Variants in TFAP4 observed in about 807,000 individuals in gnomAD.
TFAP4 encodes the protein activating enhancer-binding protein 4.
TFAP4 carries 7 observed loss-of-function variants against 40.4 expected under a neutral mutation model. The ratio of observed to expected loss-of-function variants is 0.17; its 90% confidence interval spans 0.10 to 0.33. The LOEUF is 0.33. Among genes scored for constraint, TFAP4 ranks in the 10% least tolerant of loss-of-function variants. The pLI is 1.00. For missense variants in TFAP4, 374 were observed against 451.1 expected (o/e 0.83, Z 1.55); for synonymous variants, 218 against 181.4 (o/e 1.20, Z -1.62).
intron 1 of TFAP4, among the ~76,000 whole-genome samples, chr16:4,269,114 C>A (rs1350593578): frequency 1.3e-5 from 2 of 152,002 alleles, no homozygotes; most frequent in Non-Finnish European, 1.5e-5. Flanking sequence ...TCTCGAACTC[C>A]TGGGCTCAAA....
chr16:4,265,273 C>G (rs2141094240), intron 1 of TFAP4: 1 of 152,310 alleles, frequency 6.6e-6, no homozygotes, highest in East Asian at 1.9e-4. Context: ...TCTGACCGGC[C>G]CACAGAGCCA....
In TFAP4 at chr16:4,258,001, G is replaced by A. The variant is rs2052910473; in HGVS notation, c.*54C>T. On this transcript the variant is annotated 3_prime_UTR_variant, in exon 7 of 7. Coordinates refer to ENST00000204517, the MANE Select transcript of TFAP4 (RefSeq NM_003223.3). ...CTCATTCGCCCATGTCTCTCCCTGT[G>A]GCTGCCCCGGCTCCCTCCAGCCCCC... 3.2e-6 allele frequency: 5 copies of A among 1,547,066 alleles called. No individual in the cohort carries two copies. Among genetic ancestry groups the A allele is most frequent in the Admixed American group, 1.9e-5 (1 of 52,516 alleles).
Position 4,260,223 on chromosome 16 carries a change from G to GGGGGGGGGGGGGGGCC in TFAP4, c.688_689insGGCCCCCCCCCCCCCC (p.Thr230ArgfsTer87). 6.4e-7 allele frequency: 1 copy of GGGGGGGGGGGGGGGCC among 1,551,652 alleles called. No homozygotes were observed. Among genetic ancestry groups the GGGGGGGGGGGGGGGCC allele is most frequent in the Non-Finnish European group, 8.7e-7 (1 of 1,152,006 alleles). ...TGGCACGATCACCGTGGGGTGGTGG[G>GGGGGGGGGGGGGGGCC]TGGGGGCCGGAGGGGGCAGAAGCTG... is the stretch of plus-strand genomic sequence containing the variant. On this transcript the variant is annotated frameshift_variant, in exon 6 of 7. Coordinates refer to ENST00000204517, the MANE Select transcript of TFAP4 (RefSeq NM_003223.3). LOFTEE classifies it high-confidence loss of function.
At chr16:4,270,450 G>A (rs1014728043) in intron 1 of TFAP4, among the ~76,000 whole-genome samples, 2 of 152,188 alleles carry the variant, frequency 1.3e-5, no homozygotes, top group African/African-American at 4.8e-5. Context: ...CTGGCCAGAA[G>A]GTCCTGCCTA....
Position 4,257,889 on chromosome 16 carries a change from G to T in TFAP4, c.*166C>A. ...CCAGCCCCGGGACCTCGGGTTGAGT[G>T]GCTTCGTTCAAAGGTCGATTTACAG... On this transcript the variant is annotated 3_prime_UTR_variant, in exon 7 of 7. Coordinates refer to ENST00000204517, the MANE Select transcript of TFAP4 (RefSeq NM_003223.3). 1 of 708,434 alleles carries T rather than the reference G, an allele frequency of 1.4e-6. No homozygotes were observed. The highest frequency in any genetic ancestry group is 2.3e-6 in the Non-Finnish European group (1 of 442,268). 43.9% of individuals were successfully genotyped at this position (708,434 alleles called of 1,614,324 possible). A position where few individuals can be genotyped will look rare whatever the true frequency, so the allele number is the denominator to read the frequency against.
At chr16:4,267,316 G>C (rs2053005933) in intron 1 of TFAP4, 1 of 152,404 alleles carries the variant, frequency 6.6e-6, no homozygotes, top group Admixed American at 6.5e-5. Context: ...TTATAGGCAT[G>C]AGCCACCATG....
chr16:4,272,793 C>G lies in TFAP4; in HGVS notation c.-47G>C. The stretch of plus-strand genomic sequence containing the variant: ...GCACGAGCCAGGTCCCGCGATCAGC[C>G]GGAGAATGCAAGATGGAAATCCGAA... On this transcript the variant is annotated 5_prime_UTR_variant, in exon 1 of 7. Transcript: ENST00000204517. 3 of 1,576,590 alleles carry G rather than the reference C, an allele frequency of 1.9e-6. No homozygotes were observed. Among genetic ancestry groups the G allele is most frequent in the Non-Finnish European group, 8.7e-7 (1 of 1,149,214 alleles).
chr16:4,262,950 G>A, intron 1 of TFAP4: 1 of 529,158 alleles, frequency 1.9e-6, no homozygotes, highest in African/African-American at 1.9e-5. Flanking sequence ...TCAAGGCCAA[G>A]GATCATTGAG....
At chr16:4,259,835 AC>A (rs1248869213) in intron 6 of TFAP4, among the ~76,000 whole-genome samples, 1 of 152,116 alleles carries the variant, frequency 6.6e-6, no homozygotes, top group Non-Finnish European at 1.5e-5. Flanking sequence ...CTCTCCGGAA[AC>A]CCCATATTGA....
chr16:4,272,625 T>A (rs770597535), intron 1 of TFAP4, 33 bp downstream of exon 1: 1 of 1,492,872 alleles, frequency 6.7e-7, no homozygotes, highest in South Asian at 1.2e-5. Flanking sequence ...GCTGCAGTGG[T>A]AGGAAGGGGG....
At position 4,273,003 on chromosome 16, in the gene TFAP4, T is replaced by TGTGTGTGTGTGTGTGTGTGTGTGTGTGTG. The variant is rs2053053780; in HGVS notation, c.-258_-257insCACACACACACACACACACACACACACAC. ...GTGTGTGTGTGTGTGTGTGTGTGTG[T>TGTGTGTGTGTGTGTGTGTGTGTGTGTGTG]TTGCAGCTGATCAGATGTCTGTTTC... On this transcript the variant is annotated 5_prime_UTR_variant, in exon 1 of 7. Coordinates refer to ENST00000204517, the MANE Select transcript of TFAP4 (RefSeq NM_003223.3). The TGTGTGTGTGTGTGTGTGTGTGTGTGTGTG allele has an allele frequency of 2.7e-6, 1 of 365,596 alleles. No individual in the cohort carries two copies. The highest frequency in any genetic ancestry group is 2.3e-5 in the African/African-American group (1 of 42,662). The allele number at this position is 365,596 out of a possible 1,614,324, so 22.6% of individuals were successfully genotyped here. A position where few individuals can be genotyped will look rare whatever the true frequency, so the allele number is the denominator to read the frequency against.
chr16:4,262,118 A>C (rs2052955254), intron 3 of TFAP4, 169 bp from the exon 4 acceptor site: 1 of 889,292 alleles, frequency 1.1e-6, no homozygotes, highest in East Asian at 2.6e-5. Context: ...GGGCTGCTTT[A>C]CATAACAGTC....
Position 4,259,548 on chromosome 16 carries a change from A to AT in TFAP4, c.822+541dup, listed in dbSNP as rs560583428. 1.3e-3 allele frequency among the ~76,000 whole-genome samples: 193 copies of AT among 152,070 alleles called. 1 individual carries two copies. The highest frequency in any genetic ancestry group is 4.4e-3 in the African/African-American group (182 of 41,466). On this transcript the variant is annotated intron_variant, in intron 6 of 6. Transcript: ENST00000204517. ...AATTAAAATTCGAGGAGATTGATGG[A>AT]TTTTTTTTCCTGTTTTGGCTTTTTT...
In TFAP4 at chr16:4,258,009, C is replaced by G; in HGVS notation, c.*46G>C. On this transcript the variant is annotated 3_prime_UTR_variant, in exon 7 of 7. Coordinates refer to ENST00000204517, the MANE Select transcript of TFAP4 (RefSeq NM_003223.3). ...CCCATGTCTCTCCCTGTGGCTGCCC[C>G]GGCTCCCTCCAGCCCCCAGAAGGGA... is the stretch of plus-strand genomic sequence containing the variant. 1 of 1,569,554 alleles carries G rather than the reference C, an allele frequency of 6.4e-7. No homozygotes were observed. Among genetic ancestry groups the G allele is most frequent in the Admixed American group, 1.8e-5 (1 of 54,662 alleles).
Position 4,257,983 on chromosome 16 carries a change from G to A in TFAP4, c.*72C>T. On this transcript the variant is annotated 3_prime_UTR_variant, in exon 7 of 7. Transcript: ENST00000204517. The stretch of plus-strand genomic sequence containing the variant: ...TTTTGTAAAAATTTCTCACTCATTC[G>A]CCCATGTCTCTCCCTGTGGCTGCCC... 4 of 1,438,262 alleles carry A rather than the reference G, an allele frequency of 2.8e-6. No homozygotes were observed. Among genetic ancestry groups the A allele is most frequent in the East Asian group, 2.4e-5 (1 of 40,914 alleles). 89.1% of individuals were successfully genotyped at this position (1,438,262 alleles called of 1,614,324 possible).
At chr16:4,269,751 A>G (rs2053026605) in intron 1 of TFAP4, among the ~76,000 whole-genome samples, 1 of 151,674 alleles carries the variant, frequency 6.6e-6, no homozygotes, top group Non-Finnish European at 1.5e-5. Flanking sequence ...CAGAAGTTGC[A>G]GTGAGCCGAG....
At chr16:4,269,256 G>A (rs377171411) in intron 1 of TFAP4, among the ~76,000 whole-genome samples, 5 of 151,884 alleles carry the variant, frequency 3.3e-5, no homozygotes, top group East Asian at 2.0e-4. Context: ...CACTTTGGGA[G>A]GCCGAGGTGG....
At chr16:4,266,349 AGGTTAAG>A (rs1439949753) in intron 1 of TFAP4, 1 of 152,182 alleles carries the variant, frequency 6.6e-6, no homozygotes, top group Non-Finnish European at 1.5e-5. Context: ...TGCTTAACTT[AGGTTAAG>A]CACTTTCTTA....
At chr16:4,267,768 C>T (rs1270937842) in intron 1 of TFAP4, among the ~76,000 whole-genome samples, 1 of 152,258 alleles carries the variant, frequency 6.6e-6, no homozygotes, top group East Asian at 1.9e-4. Context: ...ACGGGATTCT[C>T]CCAAACCCAA....
Sources: gnomAD v4.1 joint callset for allele counts (sites outside exome capture counted in the v4.1 genomes callset) on GRCh38, gnomAD v4.1.1 for gene constraint, MANE v1.5 for transcripts, NCBI Gene and HGNC (gene_info 2026-07-23, HGNC 2026-07-21) for gene names.